The following ACTR3 variants were observed in gnomAD, a reference collection of about 807,000 sequenced individuals.
The protein encoded by ACTR3 is actin related protein 3.
Under a neutral mutation model 56.8 loss-of-function variants are expected in ACTR3, and 12 were observed. The ratio of observed to expected loss-of-function variants is 0.21; its 90% CI spans 0.14 to 0.34. The LOEUF is 0.34. ACTR3 is among the 10% of genes least tolerant of loss of function. The probability of loss-of-function intolerance (pLI) is 1.00; values close to 1 mark genes in which losing one functional copy is unlikely to be tolerated. For synonymous variants in ACTR3, 162 were observed against 167.4 expected (o/e 0.97, Z 0.25); for missense variants, 282 against 512.5 (o/e 0.55, Z 4.34).
rs1457274678 is a variant in ACTR3, at chr2:113,957,940, C to T, written c.*485C>T. 1 of 153,502 alleles carries T rather than the reference C, an allele frequency of 6.5e-6. No individual in the cohort carries two copies. The allele number at this position is 153,502 out of a possible 1,614,324, so 9.5% of individuals were successfully genotyped here. On this transcript the variant is annotated 3_prime_UTR_variant, in exon 12 of 12. Coordinates refer to ENST00000263238, the MANE Select transcript of ACTR3 (RefSeq NM_005721.5). The stretch of plus-strand genomic sequence containing the variant: ...AAATTCAAAAAATAGCCTCATGAGA[C>T]TTGGCATACACACTCGTGGGATTCC...
At chr2:113,925,377 G>C (rs899645916) in intron 3 of ACTR3, among the ~76,000 whole-genome samples, 4 of 151,620 alleles carry the variant, frequency 2.6e-5, no homozygotes, top group African/African-American at 9.7e-5. Context: ...TGTATTTTTA[G>C]TGGAGACGGG....
At chr2:113,955,736 A>G (rs373768035) in intron 11 of ACTR3, 30 bp downstream of exon 11, 18 of 1,518,714 alleles carry the variant, frequency 1.2e-5, no homozygotes, top group Non-Finnish European at 1.6e-5. Context: ...CTTTTATTTT[A>G]TTTTATCATT....
chr2:113,915,753 G>T (rs1251512053), intron 2 of ACTR3, among the ~76,000 whole-genome samples: 4 of 152,048 alleles, frequency 2.6e-5, no homozygotes, highest in African/African-American at 4.8e-5. Flanking sequence ...TTATCTCTCT[G>T]CCAAAATATG....
chr2:113,949,334 C>T lies in ACTR3; in HGVS notation c.859-2145C>T, dbSNP rs1215888661. 4.2e-5 allele frequency among the ~76,000 whole-genome samples: 6 copies of T among 142,780 alleles called. No individual in the cohort carries two copies. In the South Asian group the frequency reaches 6.8e-4, roughly 16 times the overall value. The allele number at this position is 142,780 out of a possible 152,430, so 93.7% of individuals were successfully genotyped here. A position where few individuals can be genotyped will look rare whatever the true frequency, so the allele number is the denominator to read the frequency against. The stretch of plus-strand genomic sequence containing the variant: ...CAGAGGTTGCAGTGAGCCAAGATTG[C>T]GCCACTGCACTCCAGCCTGGGTGTC... On this transcript the variant is annotated intron_variant, in intron 8 of 11. Transcript: ENST00000263238.
intron 1 of ACTR3, among the ~76,000 whole-genome samples, chr2:113,897,312 C>T (rs781479208): frequency 2.0e-5 from 3 of 151,664 alleles, no homozygotes; most frequent in Admixed American, 6.6e-5. Context: ...CAGGAAACAA[C>T]GTAACCTACA....
intron 11 of ACTR3, among the ~76,000 whole-genome samples, chr2:113,956,440 A>G (rs1039047505): frequency 1.3e-5 from 2 of 149,864 alleles, no homozygotes; most frequent in African/African-American, 4.9e-5. Flanking sequence ...ACTATGTTTT[A>G]AAGTTTATCT....
rs552703824 is a variant in ACTR3 at position 113,906,945 on chromosome 2, AT to A, written c.45-6226del. On this transcript the variant is annotated intron_variant, in intron 1 of 11. Transcript: ENST00000263238. ...GGCTATTCAGGATCCTTTGAGATCC[AT>A]ATGAATGTTAGGATGGATTTTTCTA... 8.5e-5 allele frequency among the ~76,000 whole-genome samples: 13 copies of A among 152,264 alleles called. No homozygotes were observed. In the East Asian group the frequency reaches 2.5e-3, roughly 29 times the overall value.
At chr2:113,942,553 AT>A (rs1679942817) in intron 8 of ACTR3, among the ~76,000 whole-genome samples, 194 bp downstream of exon 8, 1 of 152,032 alleles carries the variant, frequency 6.6e-6, no homozygotes, top group African/African-American at 2.4e-5. Flanking sequence ...AATTGTTGCT[AT>A]TTTTTGCAGA....
chr2:113,897,458 A>G (rs907949921), intron 1 of ACTR3, among the ~76,000 whole-genome samples: 6 of 151,432 alleles, frequency 4.0e-5, no homozygotes, highest in Non-Finnish European at 7.4e-5. Flanking sequence ...AACTCAAGCC[A>G]TTCTTACATA....
chr2:113,902,551 A>G (rs1454320800), intron 1 of ACTR3, among the ~76,000 whole-genome samples: 1 of 151,228 alleles, frequency 6.6e-6, no homozygotes, highest in Non-Finnish European at 1.5e-5. Context: ...GAGCTTTTCT[A>G]TATATTTAAC....
At chr2:113,934,225 TTTTTTTG>T (rs1483529988) in intron 5 of ACTR3, 47 bp from the exon 6 acceptor site, 2 of 1,262,742 alleles carry the variant, frequency 1.6e-6, no homozygotes, top group East Asian at 2.5e-5. Flanking sequence ...TAACTCTTTG[TTTTTTTG>T]TTTTTTTTTT....
At chr2:113,894,249 C>T (rs1678961845) in intron 1 of ACTR3, among the ~76,000 whole-genome samples, 4 of 152,174 alleles carry the variant, frequency 2.6e-5, no homozygotes, top group Non-Finnish European at 2.9e-5. Flanking sequence ...CCCACTACCA[C>T]GCCCAGCTAA....
chr2:113,940,038 T>G lies in ACTR3; in HGVS notation c.620T>G (p.Leu207Arg). The G allele has an allele frequency of 6.2e-7, 1 of 1,613,554 alleles. No individual in the cohort carries two copies. The highest frequency in any genetic ancestry group is 8.5e-7 in the Non-Finnish European group (1 of 1,179,708). Reference sequence around the variant, plus strand: ...GATATAACATATTTTATTCAGCAACTGCTGAGAGACCGAGAAGTAGGAATC... The same window carrying G: ...GATATAACATATTTTATTCAGCAACGGCTGAGAGACCGAGAAGTAGGAATC... ...GRDITYFIQQLLRDREVGIPP... is the reference protein window; with the variant it reads ...GRDITYFIQQRLRDREVGIPP... The change falls in exon 7 of 12, where the codon CTG (leucine) becomes CGG (arginine). Residue 207 changes from leucine to arginine, a missense_variant. By Grantham distance (102) the Leu-to-Arg change is moderately radical. Coordinates refer to ENST00000263238, the MANE Select transcript of ACTR3 (RefSeq NM_005721.5).
At chr2:113,913,889 C>T (rs1679354335) in intron 2 of ACTR3, among the ~76,000 whole-genome samples, 1 of 152,196 alleles carries the variant, frequency 6.6e-6, no homozygotes, top group African/African-American at 2.4e-5. Context: ...GATTAACGTA[C>T]TTTTACACTT....
At chr2:113,929,443 A>T (rs1476614281) in intron 4 of ACTR3, among the ~76,000 whole-genome samples, 3 of 152,096 alleles carry the variant, frequency 2.0e-5, no homozygotes, top group East Asian at 1.9e-4. Flanking sequence ...GTTTTTGGTT[A>T]TAATAAAATA....
Position 113,951,565 on chromosome 2 carries a change from C to G in ACTR3, c.945C>G (p.Leu315=), listed in dbSNP as rs554528480. The change falls in exon 9 of 12, where the codon CTC becomes CTG. Residue 315 remains leucine, a synonymous_variant. Transcript: ENST00000263238. ...GTCCTATTGATGTCAGACGTCCTCT[C>G]TACAAGGTATTTATAGCAAAATTGT... is the stretch of plus-strand genomic sequence containing the variant. ...QNCPIDVRRP[L]YKNIVLSGGS... is the part of the protein sequence containing the mutation. 1 of 1,608,794 alleles carries G rather than the reference C, an allele frequency of 6.2e-7. No individual in the cohort carries two copies. The highest frequency in any genetic ancestry group is 2.2e-5 in the East Asian group (1 of 44,726).
intron 2 of ACTR3, among the ~76,000 whole-genome samples, chr2:113,916,018 C>A (rs911459245): frequency 6.6e-6 from 1 of 152,038 alleles, no homozygotes; most frequent in Non-Finnish European, 1.5e-5. Flanking sequence ...TATAGTGAGC[C>A]ACCTGGATGT....
intron 1 of ACTR3, among the ~76,000 whole-genome samples, chr2:113,905,590 C>T (rs539445657): frequency 5.3e-5 from 8 of 152,244 alleles, no homozygotes; most frequent in Admixed American, 4.6e-4. Context: ...CACCATCCTC[C>T]ATGATCCATA....
At chr2:113,910,292 GGTT>G (rs1679283223) in intron 1 of ACTR3, among the ~76,000 whole-genome samples, 2 of 152,276 alleles carry the variant, frequency 1.3e-5, no homozygotes, top group African/African-American at 4.8e-5. Context: ...AACACGTGGA[GGTT>G]CTGGGAGGGT....
Sources: gnomAD v4.1 joint callset for allele counts (sites outside exome capture counted in the v4.1 genomes callset) on GRCh38, gnomAD v4.1.1 for gene constraint, MANE v1.5 for transcripts, NCBI Gene and HGNC (gene_info 2026-07-23, HGNC 2026-07-21) for gene names.